DCC: variants seen among roughly 807,000 people sequenced by gnomAD.
The protein encoded by DCC is DCC netrin 1 receptor, also known as netrin receptor DCC.
In DCC, 58 loss-of-function variants were observed where a neutral mutation model predicts 172.5. The observed-to-expected ratio is 0.34, with a 90% CI of 0.27 to 0.42. The LOEUF is 0.42. Ranked by LOEUF, DCC falls within the 10% of genes least tolerant of loss-of-function variation. The probability of loss-of-function intolerance (pLI) is 1.00; values close to 1 mark genes in which losing one functional copy is unlikely to be tolerated. For missense variants in DCC, 1,740 were observed against 1,791.0 expected, an observed-to-expected ratio of 0.97 and a Z score of 0.51; for synonymous variants, 709 against 644.5, an observed-to-expected ratio of 1.10 and a Z score of -1.52.
chr18:52,750,898 GA>G (rs959905457), intron 1 of DCC, among the ~76,000 whole-genome samples: 60 of 148,332 alleles, frequency 4.0e-4, no homozygotes, highest in South Asian at 1.9e-3. Flanking sequence ...TGCTATCGTG[GA>G]AAAAAAAAAT....
At chr18:53,182,635 G>A (rs919020801) in intron 9 of DCC, among the ~76,000 whole-genome samples, 1 of 152,226 alleles carries the variant, frequency 6.6e-6, no homozygotes. Context: ...CATTGCATGT[G>A]TATTTTATCT....
At chr18:53,326,928 G>A (rs1033066105) in intron 14 of DCC, among the ~76,000 whole-genome samples, 2 of 152,196 alleles carry the variant, frequency 1.3e-5, no homozygotes, top group Middle Eastern at 3.2e-3. Context: ...GATGCATTAT[G>A]TTGTATAACT....
At chr18:52,621,960 T>C (rs2034488800) in intron 1 of DCC, among the ~76,000 whole-genome samples, 1 of 152,204 alleles carries the variant, frequency 6.6e-6, no homozygotes, top group Non-Finnish European at 1.5e-5. Flanking sequence ...TCATTTAGTA[T>C]AAATTTACTT....
At chr18:53,446,103 A>AG (rs1443985942) in intron 22 of DCC, among the ~76,000 whole-genome samples, 1 of 141,680 alleles carries the variant, frequency 7.1e-6, no homozygotes, top group East Asian at 2.0e-4. Context: ...CTCTACAAAA[A>AG]AAAAAAAAAA....
At position 52,340,627 on chromosome 18, in the gene DCC, G is replaced by T. The variant is rs1363690401; in HGVS notation, c.-161G>T. ...AAAAGGCTTCGAAGGCAGCAGAGGC[G>T]CAGGGGAGGTGGAGAAAGAGGTGGA... On this transcript the variant is annotated 5_prime_UTR_variant, in exon 1 of 29. Transcript: ENST00000442544. 8.1e-6 allele frequency: 6 copies of T among 741,016 alleles called. No individual in the cohort carries two copies. The highest frequency in any genetic ancestry group is 7.5e-5 in the East Asian group (3 of 40,108). 45.9% of individuals were successfully genotyped at this position (741,016 alleles called of 1,614,324 possible).
intron 27 of DCC, among the ~76,000 whole-genome samples, chr18:53,503,061 C>A (rs1308049682): frequency 1.3e-5 from 2 of 151,984 alleles, no homozygotes; most frequent in African/African-American, 2.4e-5. Flanking sequence ...TTGTTCCCCT[C>A]CCTGTGGATT....
intron 5 of DCC, among the ~76,000 whole-genome samples, chr18:52,993,058 A>G (rs1246260279): frequency 6.6e-6 from 1 of 151,662 alleles, no homozygotes; most frequent in Non-Finnish European, 1.5e-5. Context: ...TAGTTAGAGG[A>G]CTGAGTCCAG....
chr18:52,590,228 T>A (rs1334311994), intron 1 of DCC, among the ~76,000 whole-genome samples: 1 of 152,084 alleles, frequency 6.6e-6, no homozygotes, highest in Non-Finnish European at 1.5e-5. Context: ...TTGGTGCAAT[T>A]TTTTTCAAGC....
chr18:53,165,151 C>G (rs1234956880), intron 8 of DCC, among the ~76,000 whole-genome samples: 1 of 152,146 alleles, frequency 6.6e-6, no homozygotes, highest in Non-Finnish European at 1.5e-5. Context: ...GGACTGGTAT[C>G]TTCATTTTGC....
At chr18:52,853,071 T>C (rs927780047) in intron 2 of DCC, among the ~76,000 whole-genome samples, 2 of 152,170 alleles carry the variant, frequency 1.3e-5, no homozygotes, top group Non-Finnish European at 2.9e-5. Context: ...GATTTTTATA[T>C]TAATTGTTCA....
chr18:52,932,574 T>C (rs565148590), intron 5 of DCC, among the ~76,000 whole-genome samples: 2 of 152,096 alleles, frequency 1.3e-5, no homozygotes, highest in Non-Finnish European at 2.9e-5. Flanking sequence ...CTTTGAACTT[T>C]CCAGAAATGG....
rs1306705980 is a variant in DCC at position 52,927,189 on chromosome 18, G to A, written c.985+1819G>A. On this transcript the variant is annotated intron_variant, in intron 5 of 28. Coordinates refer to ENST00000442544, the MANE Select transcript of DCC (RefSeq NM_005215.4). ...TATGTGTATATATGTGTATATATAC[G>A]TATATATAGGTGTATATGTACATAT... is the stretch of plus-strand genomic sequence containing the variant. 5.2e-5 allele frequency among the ~76,000 whole-genome samples: 7 copies of A among 135,622 alleles called. No individual in the cohort carries two copies. The South Asian group carries it at 7.1e-4, about 14-fold the overall frequency. 89.0% of individuals were successfully genotyped at this position (135,622 alleles called of 152,430 possible).
intron 1 of DCC, among the ~76,000 whole-genome samples, chr18:52,509,408 T>G (rs893025476): frequency 2.0e-5 from 3 of 152,200 alleles, no homozygotes; most frequent in Non-Finnish European, 4.4e-5. Flanking sequence ...GTGGCTCGTA[T>G]TACATCTTAT....
At chr18:52,480,582 G>A (rs1337393941) in intron 1 of DCC, among the ~76,000 whole-genome samples, 1 of 152,126 alleles carries the variant, frequency 6.6e-6, no homozygotes, top group East Asian at 1.9e-4. Context: ...AAGCTTGTAA[G>A]AAACAAATGA....
chr18:53,136,671 T>A (rs565966146), intron 7 of DCC, among the ~76,000 whole-genome samples: 1 of 150,904 alleles, frequency 6.6e-6, no homozygotes, highest in Non-Finnish European at 1.5e-5. Flanking sequence ...TGATAAGGTA[T>A]CTTGTGTCTC....
intron 20 of DCC, among the ~76,000 whole-genome samples, chr18:53,412,197 A>G (rs913362661): frequency 1.3e-5 from 2 of 152,172 alleles, no homozygotes; most frequent in Non-Finnish European, 2.9e-5. Context: ...CTATGACATA[A>G]TGGTTCAAAG....
At chr18:53,031,633 A>T (rs1399067550) in intron 5 of DCC, among the ~76,000 whole-genome samples, 4 of 152,146 alleles carry the variant, frequency 2.6e-5, no homozygotes, top group African/African-American at 4.8e-5. Flanking sequence ...AACTAAAAAA[A>T]TTTTCAAGGA....
At chr18:52,792,414 A>G (rs1189726705) in intron 2 of DCC, among the ~76,000 whole-genome samples, 1 of 152,198 alleles carries the variant, frequency 6.6e-6, no homozygotes, top group Non-Finnish European at 1.5e-5. Context: ...CCTGTTGCCA[A>G]CACCCCACCA....
chr18:53,059,829 G>A (rs1037686317), intron 5 of DCC, among the ~76,000 whole-genome samples: 1 of 152,044 alleles, frequency 6.6e-6, no homozygotes, highest in Non-Finnish European at 1.5e-5. Flanking sequence ...TTTGTTGCTT[G>A]AGTTTTTTAT....
Sources: allele counts gnomAD v4.1 joint callset (sites outside exome capture counted in the v4.1 genomes callset), GRCh38; gene constraint gnomAD v4.1.1; transcripts MANE v1.5; gene names NCBI Gene and HGNC (gene_info 2026-07-23, HGNC 2026-07-21).